Variants in ENTPD1 observed in about 807,000 individuals in gnomAD.
ENTPD1 encodes ATP diphosphohydrolase.
ENTPD1 carries 33 observed loss-of-function variants against 57.0 expected under a neutral mutation model. The ratio of observed to expected loss-of-function variants is 0.58; its 90% CI spans 0.44 to 0.77. The LOEUF (loss-of-function observed/expected upper bound fraction) is 0.77, where lower values mean the gene tolerates loss of function less well. Among genes scored for constraint, ENTPD1 ranks in the 30% least tolerant of loss-of-function variants. The pLI is 0.00. For missense variants in ENTPD1, 501 were observed against 603.4 expected (o/e 0.83, Z 1.78); for synonymous variants, 202 against 218.8 (o/e 0.92, Z 0.68).
At chr10:95,859,250 G>A (rs991803541) in intron 7 of ENTPD1, among the ~76,000 whole-genome samples, 3 of 152,202 alleles carry the variant, frequency 2.0e-5, no homozygotes, top group African/African-American at 7.2e-5. Flanking sequence ...GCCTGGTGGA[G>A]GATATTTTTC....
rs890283204 is a variant in ENTPD1, at chr10:95,868,251, G to A, written c.*1868G>A. 16 of 985,416 alleles carry A rather than the reference G, an allele frequency of 1.6e-5. No individual in the cohort carries two copies. The highest frequency in any genetic ancestry group is 1.7e-5 in the Non-Finnish European group (14 of 829,918). 61.0% of individuals were successfully genotyped at this position (985,416 alleles called of 1,614,324 possible). Reference sequence around the variant, plus strand: ...TTTATTTTCTTTCCCGAACATACCAGGCTGTCTCCTCATAACTTCCAAGCA... The same window carrying A: ...TTTATTTTCTTTCCCGAACATACCAAGCTGTCTCCTCATAACTTCCAAGCA... On this transcript the variant is annotated 3_prime_UTR_variant, in exon 10 of 10. Coordinates refer to ENST00000371205, the MANE Select transcript of ENTPD1 (RefSeq NM_001776.6).
Position 95,839,770 on chromosome 10 carries a change from C to G in ENTPD1, c.224C>G (p.Thr75Arg). 6.2e-7 allele frequency: 1 copy of G among 1,613,994 alleles called. No individual in the cohort carries two copies. The highest frequency in any genetic ancestry group is 8.5e-7 in the Non-Finnish European group (1 of 1,179,996). Residue 75 changes from threonine (T) to arginine (R), a missense_variant, in exon 3 of 10, where the codon ACA (threonine) becomes AGA (arginine). By Grantham distance (71) the Thr-to-Arg change is moderately conservative. Coordinates refer to ENST00000371205, the MANE Select transcript of ENTPD1 (RefSeq NM_001776.6). ...YKWPAEKEND[T>R]GVVHQVEECR... is the part of the protein sequence containing the mutation. Reference sequence around the variant, plus strand: ...TGGCCAGCAGAAAAGGAGAATGACACAGGCGTGGTGCATCAAGTAGAAGAA... The same window carrying G: ...TGGCCAGCAGAAAAGGAGAATGACAGAGGCGTGGTGCATCAAGTAGAAGAA...
At chr10:95,827,695 G>A (rs1043974533) in intron 2 of ENTPD1, among the ~76,000 whole-genome samples, 1 of 152,052 alleles carries the variant, frequency 6.6e-6, no homozygotes, top group South Asian at 2.1e-4. Context: ...TGTTGGCCAG[G>A]ATGGTCTCCA....
upstream of ENTPD1, among the ~76,000 whole-genome samples, chr10:95,710,444 A>G (rs952247238): frequency 4.6e-5 from 7 of 152,176 alleles, no homozygotes; most frequent in Admixed American, 3.9e-4. Flanking sequence ...TAAAATAACT[A>G]TGTAATTTAT....
chr10:95,860,459 T>C lies in ENTPD1; in HGVS notation c.1075-10T>C, dbSNP rs1165107128. 1 of 1,610,120 alleles carries C rather than the reference T, an allele frequency of 6.2e-7. No individual in the cohort carries two copies. The highest frequency in any genetic ancestry group is 8.5e-7 in the Non-Finnish European group (1 of 1,177,418). ...GGAACACAGCCTAAAACTGCGATTT[T>C]CTCTTGTAGGCATTTTCAGCTTTTT... On this transcript the variant is annotated splice_polypyrimidine_tract_variant and intron_variant, in intron 7 of 9. Transcript: ENST00000371205.
chr10:95,855,379 ACT>A (rs2098452622), intron 7 of ENTPD1, among the ~76,000 whole-genome samples: 1 of 150,684 alleles, frequency 6.6e-6, no homozygotes, highest in South Asian at 2.1e-4. Context: ...ATGGGTCTTG[ACT>A]CTTTATCCAA....
At position 95,872,554 on chromosome 10, in the gene ENTPD1, C is replaced by T. The variant is rs1264504513; in HGVS notation, c.*6171C>T. The T allele has an allele frequency of 1.0e-6, 1 of 985,206 alleles. No individual in the cohort carries two copies. Among genetic ancestry groups the T allele is most frequent in the Admixed American group, 6.1e-5 (1 of 16,268 alleles). The allele number at this position is 985,206 out of a possible 1,614,324, so 61.0% of individuals were successfully genotyped here. On this transcript the variant is annotated 3_prime_UTR_variant, in exon 10 of 10. Transcript: ENST00000371205. The stretch of plus-strand genomic sequence containing the variant: ...AGAATGTCTCTTCCTTGTGCTACCA[C>T]AACCCTTTAACTGAGCCTCCATTAG...
At chr10:95,744,401 C>A (rs1202360337) in intron 1 of ENTPD1, among the ~76,000 whole-genome samples, 1 of 151,970 alleles carries the variant, frequency 6.6e-6, no homozygotes, top group African/African-American at 2.4e-5. Flanking sequence ...TTTGGGAGGC[C>A]AAGGCAGGTG....
At position 95,844,485 on chromosome 10, in the gene ENTPD1, TGAA is replaced by T; in HGVS notation, c.426_428del (p.Glu143del). The stretch of plus-strand genomic sequence containing the variant: ...CTCTTCCTTTGTACAGGATGGAAAG[TGAA>T]GAGTTGGCAGACAGGGTTCTGGATG... On this transcript the variant is annotated inframe_deletion, in exon 5 of 10. Coordinates refer to ENST00000371205, the MANE Select transcript of ENTPD1 (RefSeq NM_001776.6). The T allele has an allele frequency of 6.2e-7, 1 of 1,614,098 alleles. No individual in the cohort carries two copies. The highest frequency in any genetic ancestry group is 8.5e-7 in the Non-Finnish European group (1 of 1,179,984).
intron 2 of ENTPD1, among the ~76,000 whole-genome samples, chr10:95,824,056 T>A (rs1210410865): frequency 6.6e-6 from 1 of 152,238 alleles, no homozygotes; most frequent in Non-Finnish European, 1.5e-5. Flanking sequence ...AAGTAAAATT[T>A]CAGACATGAA....
chr10:95,747,658 A>G (rs967804522), intron 1 of ENTPD1, among the ~76,000 whole-genome samples: 61 of 152,282 alleles, frequency 4.0e-4, no homozygotes, highest in African/African-American at 1.4e-3. Context: ...CCACAATAGC[A>G]TATTGCATAT....
intron 1 of ENTPD1, chr10:95,785,117 C>T (rs2098173859): frequency 6.6e-6 from 1 of 152,180 alleles, no homozygotes; most frequent in Non-Finnish European, 1.5e-5. Context: ...TTTTCATTCC[C>T]AAGACTCAGC....
At chr10:95,811,449 C>T (rs2098307104) in intron 1 of ENTPD1, among the ~76,000 whole-genome samples, 1 of 152,142 alleles carries the variant, frequency 6.6e-6, no homozygotes, top group Non-Finnish European at 1.5e-5. Flanking sequence ...TACATTTTTT[C>T]CTCTTTAACT....
intron 1 of ENTPD1, among the ~76,000 whole-genome samples, chr10:95,810,801 T>C (rs996456854): frequency 1.3e-5 from 2 of 152,218 alleles, no homozygotes; most frequent in African/African-American, 4.8e-5. Flanking sequence ...AGTTCCTGTT[T>C]CCAAGGTAAA....
At chr10:95,857,988 C>T (rs1180075723) in intron 7 of ENTPD1, among the ~76,000 whole-genome samples, 1 of 151,978 alleles carries the variant, frequency 6.6e-6, no homozygotes, top group African/African-American at 2.4e-5. Context: ...GGTGAAACCC[C>T]GTCTCTACTA....
chr10:95,733,504 G>A (rs923954478), intron 1 of ENTPD1, among the ~76,000 whole-genome samples: 8 of 152,222 alleles, frequency 5.3e-5, no homozygotes, highest in African/African-American at 1.9e-4. Flanking sequence ...ATTGATTAGG[G>A]AAGTGATAAA....
At chr10:95,720,199 G>C (rs896579607) in intron 1 of ENTPD1, among the ~76,000 whole-genome samples, 6 of 152,120 alleles carry the variant, frequency 3.9e-5, no homozygotes, top group Non-Finnish European at 8.8e-5. Context: ...AAAGGAGGCA[G>C]AATCCTTTAG....
chr10:95,767,046 AT>A (rs1043346888), intron 1 of ENTPD1, among the ~76,000 whole-genome samples: 1 of 151,818 alleles, frequency 6.6e-6, no homozygotes, highest in African/African-American at 2.4e-5. Flanking sequence ...TACCCAGCTG[AT>A]TTTTTATTTT....
At chr10:95,820,397 A>G (rs528657344) in intron 1 of ENTPD1, among the ~76,000 whole-genome samples, 1 of 152,356 alleles carries the variant, frequency 6.6e-6, no homozygotes, top group Admixed American at 6.5e-5. Context: ...GCTTGCATAT[A>G]TTCTGGTAAC....
Sources: allele counts gnomAD v4.1 joint callset (sites outside exome capture counted in the v4.1 genomes callset), GRCh38; gene constraint gnomAD v4.1.1; transcripts MANE v1.5; gene names NCBI Gene and HGNC (gene_info 2026-07-23, HGNC 2026-07-21).